The following CRADD variants were observed in gnomAD, a reference collection of about 807,000 sequenced individuals.
CRADD encodes the protein death domain-containing protein CRADD.
CRADD carries 9 observed loss-of-function variants against 15.5 expected under a neutral mutation model. The observed-to-expected ratio is 0.58, with a 90% CI of 0.35 to 1.01. The LOEUF (loss-of-function observed/expected upper bound fraction) is 1.01. Among genes scored for constraint, CRADD ranks in the 50% least tolerant of loss-of-function variants. The probability of loss-of-function intolerance (pLI) is 0.02; values close to 1 mark genes in which losing one functional copy is unlikely to be tolerated. For synonymous variants in CRADD, 118 were observed against 107.6 expected (o/e 1.10, Z -0.60); for missense variants, 227 against 250.3 (o/e 0.91, Z 0.63).
At chr12:93,879,779 C>A (rs1266782304) in intron 2 of CRADD, among the ~76,000 whole-genome samples, 1 of 152,178 alleles carries the variant, frequency 6.6e-6, no homozygotes, top group African/African-American at 2.4e-5. Context: ...ACTCAGAGAG[C>A]CTGGGAGCAA....
intron 2 of CRADD, among the ~76,000 whole-genome samples, chr12:93,887,323 A>G (rs564940137): frequency 2.0e-5 from 3 of 152,350 alleles, no homozygotes; most frequent in African/African-American, 7.2e-5. Context: ...ACTTTTAATG[A>G]CAGGCTTTTA....
At chr12:93,849,820 G>A in intron 2 of CRADD, 150 bp from the exon 3 acceptor site, 1 of 643,344 alleles carries the variant, frequency 1.6e-6, no homozygotes, top group Non-Finnish European at 2.8e-6. Context: ...TCATGGCGTT[G>A]TACAGAGCAG....
At chr12:93,776,857 T>G (rs981109279) in intron 2 of CRADD, among the ~76,000 whole-genome samples, 2 of 152,000 alleles carry the variant, frequency 1.3e-5, no homozygotes, top group Non-Finnish European at 1.5e-5. Context: ...AAGAAGATAG[T>G]GGTTGCTTAG....
chr12:93,679,619 G>A (rs1485746023), intron 2 of CRADD, among the ~76,000 whole-genome samples: 1 of 152,214 alleles, frequency 6.6e-6, no homozygotes, highest in Non-Finnish European at 1.5e-5. Context: ...GTGAGGGAGG[G>A]AGCTCAGAGA....
At chr12:93,830,281 G>A (rs1957878716) in intron 2 of CRADD, among the ~76,000 whole-genome samples, 1 of 152,206 alleles carries the variant, frequency 6.6e-6, no homozygotes, top group Non-Finnish European at 1.5e-5. Context: ...TGACATGTGA[G>A]CTAATTATTG....
chr12:93,773,127 G>A (rs1957101824), intron 2 of CRADD, among the ~76,000 whole-genome samples: 1 of 152,154 alleles, frequency 6.6e-6, no homozygotes, highest in Non-Finnish European at 1.5e-5. Context: ...GTTGTTAAGA[G>A]GGTTAAACAT....
At chr12:93,707,743 A>C (rs1261152089) in intron 2 of CRADD, 6 of 152,206 alleles carry the variant, frequency 3.9e-5, no homozygotes, top group African/African-American at 1.4e-4. Flanking sequence ...GAAGAAACAA[A>C]GGATTTGAGG....
chr12:93,808,306 G>A (rs187764895), intron 2 of CRADD, among the ~76,000 whole-genome samples: 2 of 152,270 alleles, frequency 1.3e-5, no homozygotes, highest in Non-Finnish European at 2.9e-5. Flanking sequence ...ATGGCAGAAG[G>A]CGAATGAGGA....
chr12:93,856,439 C>T (rs1480121772), intron 2 of CRADD, among the ~76,000 whole-genome samples: 1 of 152,180 alleles, frequency 6.6e-6, no homozygotes, highest in Admixed American at 6.5e-5. Flanking sequence ...GCTGGGGAGA[C>T]AGCTATAACC....
intron 2 of CRADD, among the ~76,000 whole-genome samples, chr12:93,860,136 A>AG (rs1430967501): frequency 2.7e-4 from 3 of 11,078 alleles, no homozygotes; most frequent in African/African-American, 1.8e-3. Context: ...CGCAAATTTG[A>AG]AAAAAAAAAA....
rs1277583994 is a variant in CRADD, at chr12:93,677,410, C to T, written c.-69C>T. ...AAGATGGTGCTTATGGGGCAGGTTC[C>T]CTAACAGTCAGGATTCCGGTTGCAG... On this transcript the variant is annotated 5_prime_UTR_variant, in exon 1 of 3. Transcript: ENST00000332896. 1 of 152,260 alleles carries T rather than the reference C, an allele frequency of 6.6e-6. No individual in the cohort carries two copies. The highest frequency in any genetic ancestry group is 2.4e-5 in the African/African-American group (1 of 41,462). 9.4% of individuals were successfully genotyped at this position (152,260 alleles called of 1,614,324 possible).
At chr12:93,691,238 G>T (rs1426948706) in intron 2 of CRADD, among the ~76,000 whole-genome samples, 6 of 146,978 alleles carry the variant, frequency 4.1e-5, no homozygotes, top group Non-Finnish European at 7.4e-5. Flanking sequence ...TTAATATAAA[G>T]AATTTTCTTT....
intron 2 of CRADD, chr12:93,738,214 G>T: frequency 1.6e-6 from 1 of 616,420 alleles, no homozygotes; most frequent in South Asian, 1.9e-5. Context: ...AGAGGAAAAA[G>T]GAAGGACTGG....
In CRADD at chr12:93,732,308, G is replaced by C. The variant is rs192248247; in HGVS notation, c.298+53236G>C. ...ATTTTCAGTGTCTCTAAAGATTTGG[G>C]CGCAGAGTTATGAGCTCCATTTGGT... is the stretch of plus-strand genomic sequence containing the variant. On this transcript the variant is annotated intron_variant, in intron 2 of 2. Coordinates refer to ENST00000332896, the MANE Select transcript of CRADD (RefSeq NM_003805.5). Among the ~76,000 whole-genome samples, 677 of 152,188 alleles carry C rather than the reference G, an allele frequency of 4.4e-3. 2 individuals are homozygous for C. The highest frequency in any genetic ancestry group is 9.9e-3 in the Admixed American group (152 of 15,278).
intron 2 of CRADD, among the ~76,000 whole-genome samples, chr12:93,795,085 A>G (rs1174007760): frequency 6.6e-6 from 1 of 152,142 alleles, no homozygotes; most frequent in Non-Finnish European, 1.5e-5. Flanking sequence ...ATTTGTGTTT[A>G]TGTATTATTT....
chr12:93,844,770 G>A (rs1186142724), intron 2 of CRADD, among the ~76,000 whole-genome samples: 1 of 152,144 alleles, frequency 6.6e-6, no homozygotes, highest in Non-Finnish European at 1.5e-5. Flanking sequence ...GGCTCTTGCA[G>A]CAAGCAAACA....
chr12:93,798,919 C>T (rs1957448762), intron 2 of CRADD, among the ~76,000 whole-genome samples: 1 of 152,134 alleles, frequency 6.6e-6, no homozygotes. Flanking sequence ...CCAGTCCACG[C>T]CCTGTAGCCT....
At chr12:93,861,562 G>T (rs1253101353) in intron 2 of CRADD, among the ~76,000 whole-genome samples, 2 of 152,190 alleles carry the variant, frequency 1.3e-5, no homozygotes, top group African/African-American at 2.4e-5. Flanking sequence ...GTTAGTGAGG[G>T]CTACAAAGGC....
chr12:93,743,403 T>G (rs967791644), intron 2 of CRADD, among the ~76,000 whole-genome samples: 6 of 152,080 alleles, frequency 3.9e-5, no homozygotes, highest in Non-Finnish European at 8.8e-5. Context: ...TCCAACTCAG[T>G]TCACTGCAAC....
Sources: gnomAD v4.1 joint callset for allele counts (sites outside exome capture counted in the v4.1 genomes callset) on GRCh38, gnomAD v4.1.1 for gene constraint, MANE v1.5 for transcripts, NCBI Gene and HGNC (gene_info 2026-07-23, HGNC 2026-07-21) for gene names.